Variants in KCNQ4 observed in about 807,000 individuals in gnomAD.
KCNQ4 encodes potassium voltage-gated channel subfamily Q member 4.
In KCNQ4, 31 loss-of-function variants were observed where a neutral mutation model predicts 72.6. The observed-to-expected ratio is 0.43, with a 90% CI of 0.32 to 0.58. The LOEUF is 0.58. KCNQ4 is among the 20% of genes least tolerant of loss of function. KCNQ4 has a pLI of 0.08. For synonymous variants in KCNQ4, 405 were observed against 403.7 expected (o/e 1.00, Z -0.04); for missense variants, 869 against 962.6 (o/e 0.90, Z 1.29).
intron 8 of KCNQ4, 82 bp downstream of exon 8, chr1:40,822,484 A>AG: frequency 1.7e-6 from 2 of 1,147,852 alleles, no homozygotes; most frequent in Non-Finnish European, 2.5e-6. Context: ...TCAACCCTGG[A>AG]GGGTGGAAAG....
intron 9 of KCNQ4, 129 bp downstream of exon 9, chr1:40,824,387 G>C (rs1040181434): frequency 1.3e-4 from 129 of 976,692 alleles, no homozygotes; most frequent in Non-Finnish European, 6.4e-5. Flanking sequence ...GGGACTCCTA[G>C]GCCGTCAGAG....
chr1:40,813,597 C>T (rs985924532), intron 1 of KCNQ4, among the ~76,000 whole-genome samples: 1 of 152,104 alleles, frequency 6.6e-6, no homozygotes, highest in African/African-American at 2.4e-5. Context: ...GGCCACCAGA[C>T]ATCCAAGAAG....
At chr1:40,807,004 C>A (rs1425196181) in intron 1 of KCNQ4, among the ~76,000 whole-genome samples, 2 of 152,162 alleles carry the variant, frequency 1.3e-5, no homozygotes, top group African/African-American at 2.4e-5. Flanking sequence ...CACAAAGGGG[C>A]CGGCTGAGAG....
Position 40,801,619 on chromosome 1 carries a change from G to A in KCNQ4, c.315-15646G>A, listed in dbSNP as rs373941039. 3.9e-5 allele frequency among the ~76,000 whole-genome samples: 6 copies of A among 152,192 alleles called. No homozygotes were observed. In the East Asian group the frequency reaches 5.8e-4, roughly 15 times the overall value. ...GAGGGGGGCGGGAGAACCAGGAACT[G>A]TATCTATCCCCGGTGTCTACCATCT... is the stretch of plus-strand genomic sequence containing the variant. On this transcript the variant is annotated intron_variant, in intron 1 of 13. Coordinates refer to ENST00000347132, the MANE Select transcript of KCNQ4 (RefSeq NM_004700.4).
intron 1 of KCNQ4, among the ~76,000 whole-genome samples, chr1:40,811,029 T>C (rs574631938): frequency 6.6e-6 from 1 of 152,192 alleles, no homozygotes; most frequent in Non-Finnish European, 1.5e-5. Context: ...TTTAGTGTAT[T>C]CACAGAGCTC....
At chr1:40,789,581 T>C (rs1647242091) in intron 1 of KCNQ4, among the ~76,000 whole-genome samples, 1 of 152,118 alleles carries the variant, frequency 6.6e-6, no homozygotes, top group Non-Finnish European at 1.5e-5. Flanking sequence ...TGCCTCCTTC[T>C]TCTGAAGTTC....
At chr1:40,831,982 T>C (rs913956246) in intron 10 of KCNQ4, among the ~76,000 whole-genome samples, 64 of 152,240 alleles carry the variant, frequency 4.2e-4, no homozygotes, top group African/African-American at 1.5e-3. Context: ...CCAGGCCTTC[T>C]TCCTACCCCT....
chr1:40,836,380 G>A (rs893394501), intron 12 of KCNQ4, among the ~76,000 whole-genome samples: 5 of 152,232 alleles, frequency 3.3e-5, no homozygotes, highest in African/African-American at 1.2e-4. Context: ...GCAAGTTTCG[G>A]TCAGGAGATT....
rs1167090985 is a variant in KCNQ4 at position 40,794,239 on chromosome 1, T to C, written c.314+9832T>C. ...CCAAGACCTGCAGAGCACAGGGCCT[T>C]GATTGACAGGCTGTGGAGGTGGGCC... On this transcript the variant is annotated intron_variant, in intron 1 of 13. Transcript: ENST00000347132. The surrounding 1 kb of genome is among the most constrained non-coding windows in gnomAD (Gnocchi z 4.2). Among the ~76,000 whole-genome samples the C allele has an allele frequency of 6.6e-6, 1 of 152,150 alleles. No individual in the cohort carries two copies. Among genetic ancestry groups the C allele is most frequent in the East Asian group, 1.9e-4 (1 of 5,198 alleles).
At chr1:40,792,188 C>T (rs2148296699) in intron 1 of KCNQ4, among the ~76,000 whole-genome samples, 2 of 152,212 alleles carry the variant, frequency 1.3e-5, no homozygotes, top group African/African-American at 4.8e-5. Context: ...TTTTGCTGGG[C>T]TTGGCTGTCC....
intron 12 of KCNQ4, 50 bp downstream of exon 12, chr1:40,835,148 C>T (rs758571131): frequency 4.4e-6 from 7 of 1,597,196 alleles, no homozygotes; most frequent in Non-Finnish European, 6.0e-6. Context: ...GCAGCGACCC[C>T]AGCCCTGAAT....
chr1:40,807,354 G>C (rs915989638), intron 1 of KCNQ4, among the ~76,000 whole-genome samples: 1 of 152,138 alleles, frequency 6.6e-6, no homozygotes, highest in African/African-American at 2.4e-5. Flanking sequence ...GGAAACTGAG[G>C]CTCCATCAGG....
intron 1 of KCNQ4, among the ~76,000 whole-genome samples, chr1:40,802,535 G>C (rs1408235693): frequency 6.8e-6 from 1 of 147,606 alleles, no homozygotes; most frequent in South Asian, 2.3e-4. Context: ...CCCCGCCCCC[G>C]GCATGCCCCG....
Position 40,784,007 on chromosome 1 carries a change from G to T in KCNQ4, c.-87G>T. 6.8e-6 allele frequency: 1 copy of T among 147,612 alleles called. No individual in the cohort carries two copies. Among genetic ancestry groups the T allele is most frequent in the Non-Finnish European group, 1.5e-5 (1 of 66,624 alleles). The allele number at this position is 147,612 out of a possible 1,614,324, so 9.1% of individuals were successfully genotyped here. A position where few individuals can be genotyped will look rare whatever the true frequency, so the allele number is the denominator to read the frequency against. On this transcript the variant is annotated 5_prime_UTR_variant, in exon 1 of 14. Transcript: ENST00000347132. The surrounding 1 kb of genome is among the most constrained non-coding windows in gnomAD (Gnocchi z 4.1). Reference sequence around the variant, plus strand: ...CCCCGGGTCGCCCCTCTGGCCCCGGGTCCGAGCCATGCGTCTCTGAGCGCC... The same window carrying T: ...CCCCGGGTCGCCCCTCTGGCCCCGGTTCCGAGCCATGCGTCTCTGAGCGCC...
Position 40,822,378 on chromosome 1 carries a change from A to G in KCNQ4, c.1106A>G (p.Tyr369Cys), listed in dbSNP as rs1648328131. ...TACCTGACAGCCACCTGGTACTACT[A>G]TGACAGTATCCTCCCATCCTTCAGG... ...RAYLTATWYY[Y>C]DSILPSFREL... Residue 369 changes from tyrosine (Y) to cysteine (C), a missense_variant, in exon 8 of 14, where the codon TAT becomes TGT. By Grantham distance (194) the Tyr-to-Cys change is radical (BLOSUM62 -2). Transcript: ENST00000347132. 1.4e-6 allele frequency: 2 copies of G among 1,386,068 alleles called. No homozygotes were observed. The highest frequency in any genetic ancestry group is 8.2e-5 in the East Asian group (2 of 24,484). 85.9% of individuals were successfully genotyped at this position (1,386,068 alleles called of 1,614,324 possible). A position where few individuals can be genotyped will look rare whatever the true frequency, so the allele number is the denominator to read the frequency against.
intron 9 of KCNQ4, 131 bp from the exon 10 acceptor site, chr1:40,830,953 A>AAGC: frequency 1.3e-6 from 1 of 752,874 alleles, no homozygotes; most frequent in African/African-American, 1.7e-5. Context: ...GTTCCATCCC[A>AAGC]AGAAGTCTCC....
At chr1:40,807,430 G>A (rs1389237772) in intron 1 of KCNQ4, among the ~76,000 whole-genome samples, 2 of 152,148 alleles carry the variant, frequency 1.3e-5, no homozygotes, top group African/African-American at 2.4e-5. Context: ...CGGCAGTGGC[G>A]GCGGCCCTGG....
At chr1:40,832,403 G>A (rs1193408521) in intron 10 of KCNQ4, among the ~76,000 whole-genome samples, 2 of 152,206 alleles carry the variant, frequency 1.3e-5, no homozygotes, top group Non-Finnish European at 2.9e-5. Context: ...CACAGCTGGT[G>A]CCCAGGACCT....
chr1:40,786,804 G>A (rs1014766802), intron 1 of KCNQ4, among the ~76,000 whole-genome samples: 3 of 152,128 alleles, frequency 2.0e-5, no homozygotes, highest in Non-Finnish European at 4.4e-5. Flanking sequence ...TTGAAAGACG[G>A]TTGTTATTAT....
Sources: gnomAD v4.1 joint callset for allele counts (sites outside exome capture counted in the v4.1 genomes callset) on GRCh38, gnomAD v4.1.1 for gene constraint, Gnocchi (gnomAD v3.1) non-coding constraint, MANE v1.5 for transcripts, NCBI Gene and HGNC (gene_info 2026-07-23, HGNC 2026-07-21) for gene names.